The following CNTNAP2 variants were observed in gnomAD, a reference collection of about 807,000 sequenced individuals.
CNTNAP2 encodes the protein contactin associated protein 2, also known as contactin-associated protein-like 2.
In CNTNAP2, 98 loss-of-function variants were observed where a neutral mutation model predicts 155.2. The ratio of observed to expected loss-of-function variants is 0.63; its 90% CI spans 0.54 to 0.75. The LOEUF (loss-of-function observed/expected upper bound fraction) is 0.75. CNTNAP2 is among the 30% of genes least tolerant of loss of function. The pLI is 0.00. For missense variants in CNTNAP2, 1,727 were observed against 1,688.1 expected (o/e 1.02, Z -0.40); for synonymous variants, 651 against 631.2 (o/e 1.03, Z -0.47).
At chr7:148,024,031 A>G (rs1241462126) in intron 15 of CNTNAP2, among the ~76,000 whole-genome samples, 1 of 152,160 alleles carries the variant, frequency 6.6e-6, no homozygotes, top group Non-Finnish European at 1.5e-5. Flanking sequence ...TCCTGACTAT[A>G]TAACAACATC....
At chr7:147,060,990 CTT>C (rs1309105191) in intron 4 of CNTNAP2, among the ~76,000 whole-genome samples, 1 of 152,170 alleles carries the variant, frequency 6.6e-6, no homozygotes, top group East Asian at 1.9e-4. Context: ...TATTCAATAA[CTT>C]TATTACTAAT....
chr7:146,867,780 A>ATG (rs1795233819), intron 3 of CNTNAP2, among the ~76,000 whole-genome samples: 3 of 16,770 alleles, frequency 1.8e-4, no homozygotes, highest in East Asian at 9.1e-3. Flanking sequence ...AGTGATAGTG[A>ATG]CTTTTTTTTT....
At chr7:147,274,020 T>A (rs898989933) in intron 8 of CNTNAP2, among the ~76,000 whole-genome samples, 21 of 150,402 alleles carry the variant, frequency 1.4e-4, no homozygotes, top group African/African-American at 4.6e-4. Flanking sequence ...TATACACACA[T>A]ATATATAATA....
intron 1 of CNTNAP2, among the ~76,000 whole-genome samples, chr7:146,503,096 T>C (rs572031398): frequency 6.6e-6 from 1 of 152,376 alleles, no homozygotes; most frequent in South Asian, 2.1e-4. Flanking sequence ...ATTTATCTTT[T>C]GTCAGATGGA....
chr7:146,492,254 A>G (rs993889953), intron 1 of CNTNAP2, among the ~76,000 whole-genome samples: 2 of 151,952 alleles, frequency 1.3e-5, no homozygotes, highest in Admixed American at 1.3e-4. Flanking sequence ...AGAGAGAGAG[A>G]GAGACAGAGA....
chr7:148,145,075 G>A (rs1267419823), intron 16 of CNTNAP2, among the ~76,000 whole-genome samples: 1 of 152,154 alleles, frequency 6.6e-6, no homozygotes, highest in Non-Finnish European at 1.5e-5. Flanking sequence ...GGCTCTCACA[G>A]TGGGTCTTTC....
At chr7:146,320,192 T>C (rs532869452) in intron 1 of CNTNAP2, among the ~76,000 whole-genome samples, 1 of 152,288 alleles carries the variant, frequency 6.6e-6, no homozygotes, top group African/African-American at 2.4e-5. Context: ...ATTTTTGTAA[T>C]AATAAATCAT....
intron 13 of CNTNAP2, among the ~76,000 whole-genome samples, chr7:147,664,886 C>G (rs541018984): frequency 6.6e-6 from 1 of 152,304 alleles, no homozygotes; most frequent in African/African-American, 2.4e-5. Context: ...CTGCAATGCC[C>G]TTGTAAGTTA....
At chr7:146,212,672 GAA>G (rs1799054431) in intron 1 of CNTNAP2, among the ~76,000 whole-genome samples, 1 of 152,134 alleles carries the variant, frequency 6.6e-6, no homozygotes, top group South Asian at 2.1e-4. Context: ...TGAATGATGA[GAA>G]GATTTCAACT....
intron 12 of CNTNAP2, among the ~76,000 whole-genome samples, chr7:147,627,691 CAAAAAAAAAAA>C (rs138424007): frequency 5.6e-5 from 4 of 71,714 alleles, no homozygotes; most frequent in Admixed American, 5.3e-4. Context: ...GACTCTGTCT[CAAAAAAAAAAA>C]AAAAAAAAAA....
chr7:148,331,147 TG>T (rs1364618256), intron 21 of CNTNAP2, among the ~76,000 whole-genome samples: 1 of 133,530 alleles, frequency 7.5e-6, no homozygotes, highest in African/African-American at 3.0e-5. Flanking sequence ...ATGGATGGAG[TG>T]GACAGATGGA....
At chr7:147,337,271 T>G (rs1386216324) in intron 9 of CNTNAP2, among the ~76,000 whole-genome samples, 1 of 152,052 alleles carries the variant, frequency 6.6e-6, no homozygotes, top group Non-Finnish European at 1.5e-5. Flanking sequence ...TGAAGTCTCA[T>G]CTGTGCATAT....
chr7:147,862,979 G>A (rs1013586301), intron 13 of CNTNAP2, among the ~76,000 whole-genome samples: 1 of 151,738 alleles, frequency 6.6e-6, no homozygotes, highest in Non-Finnish European at 1.5e-5. Flanking sequence ...TGTTCACAAC[G>A]TGCAGGTTTG....
At chr7:146,779,987 C>T (rs1802454816) in intron 2 of CNTNAP2, among the ~76,000 whole-genome samples, 1 of 152,152 alleles carries the variant, frequency 6.6e-6, no homozygotes, top group Admixed American at 6.5e-5. Flanking sequence ...CCTTAAAAGA[C>T]ACCACTTTAT....
chr7:147,832,529 A>G (rs1192967167), intron 13 of CNTNAP2, among the ~76,000 whole-genome samples: 1 of 146,200 alleles, frequency 6.8e-6, no homozygotes, highest in Non-Finnish European at 1.5e-5. Flanking sequence ...ATATTTCAAT[A>G]TATTTTTATA....
In CNTNAP2 at chr7:146,395,826, G is replaced by GATAGAGGAGAGAGAGAGA. The variant is rs1563068432; in HGVS notation, c.97+278853_97+278854insATAGAGGAGAGAGAGAGA. On this transcript the variant is annotated intron_variant, in intron 1 of 23. Transcript: ENST00000361727. ...ATAGATAGATAGATAGATAGATAGAGGAGAGAGAGAGAGAGAGAGAGAGAG... is the reference window on the plus strand; with the variant it reads ...ATAGATAGATAGATAGATAGATAGAGATAGAGGAGAGAGAGAGAGAGAGAGAGAGAGAGAGAGAGAGAG... 6.0e-5 allele frequency among the ~76,000 whole-genome samples: 7 copies of GATAGAGGAGAGAGAGAGA among 116,768 alleles called. No individual in the cohort carries two copies. The Admixed American group carries it at 6.6e-4, about 11-fold the overall frequency. 76.6% of individuals were successfully genotyped at this position (116,768 alleles called of 152,430 possible).
intron 22 of CNTNAP2, among the ~76,000 whole-genome samples, chr7:148,388,689 G>C (rs1233545060): frequency 2.0e-5 from 3 of 152,056 alleles, no homozygotes; most frequent in African/African-American, 7.2e-5. Flanking sequence ...TTTGATGATG[G>C]TGATGTACAG....
At chr7:147,209,070 G>C (rs754012718) in intron 8 of CNTNAP2, among the ~76,000 whole-genome samples, 4 of 151,938 alleles carry the variant, frequency 2.6e-5, no homozygotes, top group African/African-American at 9.7e-5. Flanking sequence ...TGGTTATCCG[G>C]GGTCCTTTAT....
At position 146,712,173 on chromosome 7, in the gene CNTNAP2, TATGTATACATATCTTATGTATACAA is replaced by T. The variant is rs1563199127; in HGVS notation, c.98-62095_98-62071del. The stretch of plus-strand genomic sequence containing the variant: ...AGTATACATATCTTATGTATACAAA[TATGTATACATATCTTATGTATACAA>T]ATATGTATACATATCTTATGTATAC... On this transcript the variant is annotated intron_variant, in intron 1 of 23. Transcript: ENST00000361727. Among the ~76,000 whole-genome samples, 851 of 119,748 alleles carry T rather than the reference TATGTATACATATCTTATGTATACAA, an allele frequency of 7.1e-3. 115 individuals are homozygous for T. Among genetic ancestry groups the T allele is most frequent in the African/African-American group, 0.025 (785 of 31,454 alleles). The allele number at this position is 119,748 out of a possible 152,430, so 78.6% of individuals were successfully genotyped here.
Sources: allele counts gnomAD v4.1 joint callset (sites outside exome capture counted in the v4.1 genomes callset), GRCh38; gene constraint gnomAD v4.1.1; transcripts MANE v1.5; gene names NCBI Gene and HGNC (gene_info 2026-07-23, HGNC 2026-07-21).